LMNTD1: variants seen among roughly 807,000 people sequenced by gnomAD.
LMNTD1 encodes lamin tail domain containing 1.
LMNTD1 carries 35 observed loss-of-function variants against 50.9 expected under a neutral mutation model. That is an observed-to-expected ratio of 0.69 (90% CI 0.53 to 0.91). The LOEUF (loss-of-function observed/expected upper bound fraction) is 0.91. LMNTD1 is among the 40% of genes least tolerant of loss of function. The pLI is 0.00. For missense variants in LMNTD1, 470 were observed against 475.5 expected, an observed-to-expected ratio of 0.99 and a Z score of 0.11; for synonymous variants, 153 against 161.9, an observed-to-expected ratio of 0.94 and a Z score of 0.42.
intron 3 of LMNTD1, among the ~76,000 whole-genome samples, chr12:25,547,851 A>G (rs1007871718): frequency 2.1e-4 from 32 of 151,824 alleles, no homozygotes; most frequent in African/African-American, 7.0e-4. Context: ...ACCAAGTGCA[A>G]CAAATCTCAG....
intron 1 of LMNTD1, among the ~76,000 whole-genome samples, chr12:25,629,959 A>G (rs1344550225): frequency 6.6e-6 from 1 of 152,206 alleles, no homozygotes; most frequent in Non-Finnish European, 1.5e-5. Flanking sequence ...CAATAAAGTA[A>G]TTAGCAAGCA....
At chr12:25,512,381 T>C (rs1442119133) in intron 8 of LMNTD1, among the ~76,000 whole-genome samples, 3 of 152,208 alleles carry the variant, frequency 2.0e-5, no homozygotes, top group Non-Finnish European at 4.4e-5. Context: ...GGACTAGGAC[T>C]AGAAAAAGAA....
intron 2 of LMNTD1, among the ~76,000 whole-genome samples, chr12:25,552,137 T>C (rs1404798942): frequency 6.6e-6 from 1 of 152,190 alleles, no homozygotes; most frequent in African/African-American, 2.4e-5. Context: ...AAGAAAACAT[T>C]GGAAAACCAA....
intron 1 of LMNTD1, among the ~76,000 whole-genome samples, chr12:25,619,133 T>C (rs975938848): frequency 2.0e-5 from 3 of 152,026 alleles, no homozygotes; most frequent in African/African-American, 7.3e-5. Context: ...CCTTTGTATG[T>C]GTTTGCCTGT....
At chr12:25,610,351 T>C (rs1166988550) in intron 1 of LMNTD1, among the ~76,000 whole-genome samples, 2 of 152,100 alleles carry the variant, frequency 1.3e-5, no homozygotes, top group Non-Finnish European at 2.9e-5. Context: ...GCACCCACTT[T>C]CTGACCAGTC....
intron 1 of LMNTD1, among the ~76,000 whole-genome samples, chr12:25,637,020 CTGCAGATA>C (rs1229027386): frequency 1.3e-5 from 2 of 152,188 alleles, no homozygotes; most frequent in African/African-American, 4.8e-5. Context: ...GGATAAAAGA[CTGCAGATA>C]TGGTACAGTG....
At chr12:25,598,011 T>C (rs1387281811) in intron 1 of LMNTD1, among the ~76,000 whole-genome samples, 4 of 152,106 alleles carry the variant, frequency 2.6e-5, no homozygotes, top group Non-Finnish European at 5.9e-5. Context: ...TGAATAAGTC[T>C]CATGAGATCT....
At chr12:25,513,487 T>G (rs1412584863) in intron 8 of LMNTD1, among the ~76,000 whole-genome samples, 1 of 152,036 alleles carries the variant, frequency 6.6e-6, no homozygotes, top group Non-Finnish European at 1.5e-5. Flanking sequence ...AATACAAAAA[T>G]TAGCTGGGTG....
Position 25,503,817 on chromosome 12 carries a change from A to T in LMNTD1, c.1190-17T>A. ...TCTTAGACCCTGAAAATTAAAAAAA[A>T]TAATTAAAAAAAGGAGAGAGGCTAG... On this transcript the variant is annotated splice_polypyrimidine_tract_variant and intron_variant, in intron 8 of 9. Coordinates refer to ENST00000458174, the MANE Select transcript of LMNTD1 (RefSeq NM_001145728.2). 1.3e-6 allele frequency: 2 copies of T among 1,490,478 alleles called. No homozygotes were observed. Among genetic ancestry groups the T allele is most frequent in the Non-Finnish European group, 1.8e-6 (2 of 1,085,088 alleles). The allele number at this position is 1,490,478 out of a possible 1,614,324, so 92.3% of individuals were successfully genotyped here.
chr12:25,535,207 C>A (rs764664059), intron 4 of LMNTD1, among the ~76,000 whole-genome samples: 14 of 152,060 alleles, frequency 9.2e-5, no homozygotes, highest in South Asian at 6.2e-4. Flanking sequence ...GTAGTCATTG[C>A]AGGTGAAAAG....
chr12:25,477,844 G>A (rs1938320194), intron 9 of LMNTD1, among the ~76,000 whole-genome samples: 1 of 152,028 alleles, frequency 6.6e-6, no homozygotes, highest in Admixed American at 6.6e-5. Context: ...AACTTATTAA[G>A]TTTTAAGTCA....
At chr12:25,579,900 C>G (rs1412264597) in intron 1 of LMNTD1, among the ~76,000 whole-genome samples, 3 of 152,128 alleles carry the variant, frequency 2.0e-5, no homozygotes, top group African/African-American at 7.2e-5. Context: ...CCAGTGCATT[C>G]TCTATTGTAC....
intron 9 of LMNTD1, among the ~76,000 whole-genome samples, chr12:25,496,695 A>C (rs1052457790): frequency 1.3e-5 from 2 of 152,204 alleles, no homozygotes; most frequent in Non-Finnish European, 2.9e-5. Context: ...CATCTTGGAA[A>C]TACTAGCTAT....
intron 9 of LMNTD1, among the ~76,000 whole-genome samples, chr12:25,494,344 A>G (rs1938989954): frequency 6.6e-6 from 1 of 151,366 alleles, no homozygotes; most frequent in Non-Finnish European, 1.5e-5. Flanking sequence ...CGATACATAC[A>G]TAACTTATTT....
At chr12:25,624,319 C>T (rs1240492332) in intron 1 of LMNTD1, among the ~76,000 whole-genome samples, 1 of 152,182 alleles carries the variant, frequency 6.6e-6, no homozygotes, top group South Asian at 2.1e-4. Context: ...CTATCAAACT[C>T]TCCTGATTTT....
chr12:25,625,358 A>G (rs17424033), intron 1 of LMNTD1, among the ~76,000 whole-genome samples: 12,655 of 152,188 alleles, frequency 0.083, 561 homozygotes, highest in Middle Eastern at 0.18. Context: ...GGTAAAAATG[A>G]TCCCTCTTGA....
At chr12:25,646,752 T>G (rs1016770432) in intron 1 of LMNTD1, among the ~76,000 whole-genome samples, 3 of 152,210 alleles carry the variant, frequency 2.0e-5, no homozygotes, top group Admixed American at 6.5e-5. Context: ...TTTAAAAATA[T>G]AATGTCCTGG....
intron 1 of LMNTD1, among the ~76,000 whole-genome samples, chr12:25,574,196 C>T (rs1301942344): frequency 2.0e-5 from 3 of 152,158 alleles, no homozygotes; most frequent in Non-Finnish European, 4.4e-5. Context: ...CCCTTTGCCA[C>T]CTTATTTTAT....
chr12:25,634,553 C>T (rs756435077), intron 1 of LMNTD1, among the ~76,000 whole-genome samples: 3 of 152,034 alleles, frequency 2.0e-5, no homozygotes, highest in Non-Finnish European at 2.9e-5. Flanking sequence ...TGTGATACAC[C>T]CCATAAACAA....
Sources: allele counts gnomAD v4.1 joint callset (sites outside exome capture counted in the v4.1 genomes callset), GRCh38; gene constraint gnomAD v4.1.1; transcripts MANE v1.5; gene names NCBI Gene and HGNC (gene_info 2026-07-23, HGNC 2026-07-21).